The following TRPM3 variants were observed in gnomAD, a reference collection of about 807,000 sequenced individuals.
The protein encoded by TRPM3 is transient receptor potential cation channel subfamily M member 3.
In TRPM3, 77 loss-of-function variants were observed where a neutral mutation model predicts 181.2. The observed-to-expected ratio is 0.42, with a 90% CI of 0.35 to 0.51. The LOEUF (loss-of-function observed/expected upper bound fraction) is 0.51, where lower values mean the gene tolerates loss of function less well. Among genes scored for constraint, TRPM3 ranks in the 20% least tolerant of loss-of-function variants. TRPM3 has a pLI of 0.01. For missense variants in TRPM3, 1,759 were observed against 2,196.7 expected (o/e 0.80, Z 3.98); for synonymous variants, 745 against 796.4 (o/e 0.94, Z 1.09).
intron 1 of TRPM3, among the ~76,000 whole-genome samples, chr9:70,872,745 T>A (rs1038349764): frequency 6.6e-6 from 1 of 151,980 alleles, no homozygotes; most frequent in Admixed American, 6.6e-5. Flanking sequence ...GTTGATCTGA[T>A]GTTGCCCCAG....
intron 25 of TRPM3, among the ~76,000 whole-genome samples, chr9:70,541,752 C>T (rs939488981): frequency 6.6e-6 from 1 of 152,228 alleles, no homozygotes; most frequent in East Asian, 1.9e-4. Context: ...CTCAGGTGAT[C>T]CGCCTGCCTC....
chr9:71,194,886 T>C (rs1397081829), intron 1 of TRPM3, among the ~76,000 whole-genome samples: 3 of 151,860 alleles, frequency 2.0e-5, no homozygotes, highest in African/African-American at 7.3e-5. Context: ...GTTACCAAAA[T>C]CTATACTGCA....
intron 21 of TRPM3, among the ~76,000 whole-genome samples, chr9:70,594,665 G>A (rs1417526264): frequency 6.6e-6 from 1 of 152,114 alleles, no homozygotes; most frequent in Non-Finnish European, 1.5e-5. Context: ...GGCATTTGGT[G>A]TACTGGCTTC....
intron 7 of TRPM3, among the ~76,000 whole-genome samples, chr9:70,771,557 A>G (rs12348401): frequency 0.047 from 7,209 of 152,288 alleles, 197 homozygotes; most frequent in Non-Finnish European, 0.058. Flanking sequence ...ATACATATCA[A>G]AAAGGAAACT....
intron 22 of TRPM3, among the ~76,000 whole-genome samples, chr9:70,579,931 C>G (rs10868855): frequency 3.3e-5 from 5 of 152,016 alleles, no homozygotes; most frequent in Non-Finnish European, 7.4e-5. Flanking sequence ...GTCCACCTCA[C>G]GCATGCTGAG....
chr9:70,571,937 T>C (rs1051505179), intron 22 of TRPM3, among the ~76,000 whole-genome samples: 9 of 152,202 alleles, frequency 5.9e-5, no homozygotes, highest in East Asian at 1.9e-4. Context: ...TGAAGCCTGA[T>C]TGACTTTGTC....
At chr9:71,410,340 C>T (rs978698165) in intron 1 of TRPM3, among the ~76,000 whole-genome samples, 1 of 151,394 alleles carries the variant, frequency 6.6e-6, no homozygotes, top group Non-Finnish European at 1.5e-5. Flanking sequence ...TTTTGAAAAG[C>T]TCAACAAAAT....
intron 22 of TRPM3, among the ~76,000 whole-genome samples, chr9:70,575,424 T>C (rs1363960924): frequency 1.3e-5 from 2 of 152,216 alleles, no homozygotes; most frequent in African/African-American, 4.8e-5. Context: ...CTGTGCTGTT[T>C]GTTTCATTCT....
chr9:70,884,014 A>G (rs1189743168), intron 1 of TRPM3, among the ~76,000 whole-genome samples: 1 of 152,146 alleles, frequency 6.6e-6, no homozygotes, highest in African/African-American at 2.4e-5. Context: ...TTTAGCTCCG[A>G]CATGTGTGGG....
At position 71,196,998 on chromosome 9, in the gene TRPM3, C is replaced by G. The variant is rs142271564; in HGVS notation, c.183+249655G>C. ...TCGTCATTTAACATTAGGTATATCT[C>G]CCAATGCTATCTCTCCCCCGACTTC... On this transcript the variant is annotated intron_variant, in intron 1 of 24. Coordinates refer to the TRPM3 transcript ENST00000357533. 3.9e-3 allele frequency among the ~76,000 whole-genome samples: 598 copies of G among 151,978 alleles called. 4 individuals carry two copies. The highest frequency in any genetic ancestry group is 0.014 in the African/African-American group (575 of 41,472).
intron 1 of TRPM3, among the ~76,000 whole-genome samples, chr9:71,261,280 T>C (rs1165944002): frequency 6.6e-6 from 1 of 152,222 alleles, no homozygotes; most frequent in East Asian, 1.9e-4. Context: ...TATCCTTTCT[T>C]CCGCTGGATT....
At chr9:70,828,364 A>G (rs1390089264) in intron 5 of TRPM3, among the ~76,000 whole-genome samples, 1 of 152,216 alleles carries the variant, frequency 6.6e-6, no homozygotes, top group East Asian at 1.9e-4. Context: ...TTTACAATCT[A>G]GTTATTTTGT....
chr9:71,092,252 C>A (rs528879800), intron 1 of TRPM3, among the ~76,000 whole-genome samples: 1 of 152,252 alleles, frequency 6.6e-6, no homozygotes, highest in Non-Finnish European at 1.5e-5. Context: ...AATCCCAGAG[C>A]TCTATTCAAA....
chr9:71,202,813 G>A (rs1175196031), intron 1 of TRPM3, among the ~76,000 whole-genome samples: 1 of 152,114 alleles, frequency 6.6e-6, no homozygotes, highest in Non-Finnish European at 1.5e-5. Context: ...GAACCTAACA[G>A]TACAGCTTAC....
intron 1 of TRPM3, among the ~76,000 whole-genome samples, chr9:71,112,110 A>G (rs1266879105): frequency 2.6e-5 from 4 of 152,188 alleles, no homozygotes; most frequent in Non-Finnish European, 4.4e-5. Flanking sequence ...ATCTCTAGAC[A>G]TTTTCCAAAG....
intron 1 of TRPM3, among the ~76,000 whole-genome samples, chr9:71,226,057 T>TTA (rs2080619656): frequency 6.9e-6 from 1 of 145,018 alleles, no homozygotes; most frequent in Non-Finnish European, 1.5e-5. Context: ...GGAGATGAAG[T>TTA]TATAGAGTTT....
chr9:71,326,521 T>G (rs2089695775), intron 1 of TRPM3, among the ~76,000 whole-genome samples: 1 of 152,246 alleles, frequency 6.6e-6, no homozygotes, highest in African/African-American at 2.4e-5. Flanking sequence ...AGCATGAGTG[T>G]GCTGTTAAGT....
chr9:71,306,464 C>G (rs536686955), intron 1 of TRPM3, among the ~76,000 whole-genome samples: 2 of 152,258 alleles, frequency 1.3e-5, no homozygotes, highest in South Asian at 4.1e-4. Flanking sequence ...AACATAGAAA[C>G]TTTTACTCTA....
intron 1 of TRPM3, among the ~76,000 whole-genome samples, chr9:71,118,062 A>G (rs1565235004): frequency 6.6e-6 from 1 of 152,176 alleles, no homozygotes. Context: ...TTTTTTTGTG[A>G]TTAATAGTAA....
Sources: allele counts gnomAD v4.1 joint callset (sites outside exome capture counted in the v4.1 genomes callset), GRCh38; gene constraint gnomAD v4.1.1; transcripts MANE v1.5; gene names NCBI Gene and HGNC (gene_info 2026-07-23, HGNC 2026-07-21).